The following CRACD variants were observed in gnomAD, a reference collection of about 807,000 sequenced individuals.
The protein encoded by CRACD is capping protein inhibiting regulator of actin dynamics.
In CRACD, 56 loss-of-function variants were observed where a neutral mutation model predicts 106.8. The observed-to-expected ratio is 0.52, with a 90% CI of 0.42 to 0.66. CRACD has a LOEUF of 0.66. CRACD is among the 30% of genes least tolerant of loss of function. The probability of loss-of-function intolerance (pLI) is 0.00; values close to 1 mark genes in which losing one functional copy is unlikely to be tolerated. For synonymous variants in CRACD, 754 were observed against 670.8 expected, an observed-to-expected ratio of 1.12 and a Z score of -1.92; for missense variants, 1,730 against 1,623.2, an observed-to-expected ratio of 1.07 and a Z score of -1.13.
At chr4:56,123,475 T>A (rs1051222068) in intron 1 of CRACD, among the ~76,000 whole-genome samples, 1 of 152,166 alleles carries the variant, frequency 6.6e-6, no homozygotes, top group Non-Finnish European at 1.5e-5. Context: ...GAAGCTCCCC[T>A]CTCTTTGACC....
chr4:56,269,337 C>A (rs190405619), intron 2 of CRACD, among the ~76,000 whole-genome samples: 3 of 151,870 alleles, frequency 2.0e-5, no homozygotes, highest in Admixed American at 6.6e-5. Context: ...GAGCCAAGAT[C>A]GCGCCACTGC....
intron 1 of CRACD, among the ~76,000 whole-genome samples, chr4:56,074,255 G>A (rs62308624): frequency 3.3e-5 from 5 of 152,062 alleles, no homozygotes; most frequent in Admixed American, 2.6e-4. Flanking sequence ...CAATAGCATC[G>A]AATCTATAAA....
chr4:56,258,546 GT>G (rs1337701455), intron 2 of CRACD, among the ~76,000 whole-genome samples: 1 of 152,172 alleles, frequency 6.6e-6, no homozygotes, highest in Non-Finnish European at 1.5e-5. Context: ...CCTATGTCTA[GT>G]TGACTGAGGG....
chr4:56,108,198 A>G (rs544642615), intron 1 of CRACD, among the ~76,000 whole-genome samples: 4 of 152,252 alleles, frequency 2.6e-5, no homozygotes, highest in East Asian at 3.9e-4. Flanking sequence ...GGAAAATACT[A>G]TTTTTACAGT....
intron 1 of CRACD, among the ~76,000 whole-genome samples, chr4:56,087,675 A>G (rs948725452): frequency 1.3e-5 from 2 of 152,116 alleles, no homozygotes; most frequent in African/African-American, 4.8e-5. Flanking sequence ...ACACTCTTTT[A>G]TCCAGATGCC....
rs1365064821 is a variant in CRACD, at chr4:56,287,465, T to C, written c.-16-10749T>C. On this transcript the variant is annotated intron_variant, in intron 3 of 10. Coordinates refer to ENST00000682029, the MANE Select transcript of CRACD (RefSeq NM_001393381.1). ...GCTTGGCTAATTTTTATATTTTTAG[T>C]AGAGGGGGTTTCACCACGTTGGCCA... Among the ~76,000 whole-genome samples the C allele has an allele frequency of 2.0e-5, 3 of 152,034 alleles. No individual in the cohort carries two copies. In the South Asian group the frequency reaches 6.2e-4, roughly 32 times the overall value.
intron 1 of CRACD, among the ~76,000 whole-genome samples, chr4:56,111,337 A>G (rs1734115350): frequency 3.3e-5 from 5 of 149,612 alleles, no homozygotes; most frequent in Admixed American, 2.7e-4. Context: ...AAAAGATGTG[A>G]ACGTGGTTGC....
intron 2 of CRACD, among the ~76,000 whole-genome samples, chr4:56,236,726 A>G (rs1739987133): frequency 6.6e-6 from 1 of 151,704 alleles, no homozygotes; most frequent in African/African-American, 2.4e-5. Flanking sequence ...CAATAAAAAT[A>G]TTTTCAAAGA....
At position 56,324,193 on chromosome 4, in the gene CRACD, C is replaced by T. The variant is rs751200174; in HGVS notation, c.3468C>T (p.Pro1156=). The change falls in exon 10 of 11, where the codon CCC becomes CCT. Residue 1156 remains proline, a synonymous_variant. Coordinates refer to ENST00000682029, the MANE Select transcript of CRACD (RefSeq NM_001393381.1). Reference sequence around the variant, plus strand: ...CTGCTCTGCCAGAAGAGAAGAGGCCCGAGACTGCAGTGTCCAGGCTTGAGC... The same window carrying T: ...CTGCTCTGCCAGAAGAGAAGAGGCCTGAGACTGCAGTGTCCAGGCTTGAGC... ...KSTALPEEKR[P]ETAVSRLERR... is the part of the protein sequence containing the mutation. 2.0e-5 allele frequency: 33 copies of T among 1,614,058 alleles called. No homozygotes were observed. The highest frequency in any genetic ancestry group is 1.0e-4 in the Admixed American group (6 of 60,014).
chr4:56,258,349 A>T (rs1338624503), intron 2 of CRACD, among the ~76,000 whole-genome samples: 2 of 152,170 alleles, frequency 1.3e-5, no homozygotes, highest in African/African-American at 2.4e-5. Context: ...TAATGTATTG[A>T]TTGATGTCTG....
chr4:56,159,299 A>G (rs537940186), intron 1 of CRACD, among the ~76,000 whole-genome samples: 5 of 152,348 alleles, frequency 3.3e-5, no homozygotes, highest in African/African-American at 4.8e-5. Flanking sequence ...GTAGTCAGCT[A>G]TATACAACCT....
intron 2 of CRACD, among the ~76,000 whole-genome samples, chr4:56,187,935 A>G (rs1369515294): frequency 6.6e-6 from 1 of 152,232 alleles, no homozygotes; most frequent in Non-Finnish European, 1.5e-5. Context: ...TCTATTGTTT[A>G]CATACATGCA....
chr4:56,301,309 A>G, intron 4 of CRACD: 3 of 1,122,948 alleles, frequency 2.7e-6, no homozygotes, highest in Non-Finnish European at 3.6e-6. Context: ...TTTTTCCATG[A>G]CAACGTGATG....
chr4:56,239,981 G>GT (rs1312406644), intron 2 of CRACD, among the ~76,000 whole-genome samples: 19 of 151,620 alleles, frequency 1.3e-4, no homozygotes, highest in African/African-American at 3.6e-4. Flanking sequence ...CCTATGACAG[G>GT]TTTTTTTTAA....
intron 2 of CRACD, among the ~76,000 whole-genome samples, chr4:56,261,981 T>TG (rs1741735986): frequency 1.3e-5 from 2 of 152,108 alleles, no homozygotes; most frequent in Admixed American, 1.3e-4. Flanking sequence ...TATGGGGAAA[T>TG]GGGGAATATA....
intron 4 of CRACD, chr4:56,301,201 A>G: frequency 7.8e-7 from 1 of 1,285,322 alleles, no homozygotes. Flanking sequence ...AATCATCCCC[A>G]AAAAGACTGT....
chr4:56,182,067 A>G (rs1193850020), intron 2 of CRACD, among the ~76,000 whole-genome samples: 1 of 152,172 alleles, frequency 6.6e-6, no homozygotes, highest in Non-Finnish European at 1.5e-5. Context: ...AACTTGCCCA[A>G]GATCAGAGTC....
intron 3 of CRACD, among the ~76,000 whole-genome samples, chr4:56,274,471 G>C (rs915080398): frequency 1.3e-5 from 2 of 152,136 alleles, no homozygotes; most frequent in Non-Finnish European, 2.9e-5. Flanking sequence ...GACTCTTACA[G>C]GAATGTGGAC....
At chr4:56,158,020 G>T (rs1735819771) in intron 1 of CRACD, among the ~76,000 whole-genome samples, 1 of 152,006 alleles carries the variant, frequency 6.6e-6, no homozygotes, top group African/African-American at 2.4e-5. Context: ...GCTGTTATTT[G>T]GTTACATATG....
Sources: gnomAD v4.1 joint callset for allele counts (sites outside exome capture counted in the v4.1 genomes callset) on GRCh38, gnomAD v4.1.1 for gene constraint, MANE v1.5 for transcripts, NCBI Gene and HGNC (gene_info 2026-07-23, HGNC 2026-07-21) for gene names.